Variants in SPRR3 observed in about 807,000 individuals in gnomAD.
The protein encoded by SPRR3 is small proline-rich protein 3.
For missense variants in SPRR3, 183 were observed against 200.3 expected (o/e 0.91, Z 0.52); for synonymous variants, 58 against 72.3 (o/e 0.80, Z 1.01).
chr1:153,003,289 G>A lies in SPRR3; in HGVS notation c.269G>A (p.Cys90Tyr), dbSNP rs1191101133. 1.2e-6 allele frequency: 2 copies of A among 1,607,208 alleles called. No individual in the cohort carries two copies. The highest frequency in any genetic ancestry group is 1.7e-6 in the Non-Finnish European group (2 of 1,176,886). ...TGTACCAAGGTCCCTGAGCCAGGCT[G>A]TACCAAGGTCCCTGAGCCAGGTTGT... The part of the protein sequence containing the change: ...PGCTKVPEPG[C>Y]TKVPEPGCTK... Residue 90 changes from cysteine to tyrosine, a missense_variant, in exon 2 of 2, where the codon TGT becomes TAT. Coordinates refer to ENST00000295367, the MANE Select transcript of SPRR3 (RefSeq NM_001097589.2).
chr1:153,003,426 C>G lies in SPRR3; in HGVS notation c.406C>G (p.Gln136Glu). Residue 136 changes from glutamine (Q) to glutamate (E), a missense_variant, in exon 2 of 2, where the codon CAA becomes GAA. Gln to Glu is a conservative substitution (Grantham distance 29, BLOSUM62 2). Transcript: ENST00000295367. The stretch of plus-strand genomic sequence containing the variant: ...GCCAGGTGCCATCAAAGTTCCTGAG[C>G]AAGGATACACCAAAGTTCCTGTGCC... ...PEPGAIKVPE[Q>E]GYTKVPVPGY... 1 of 1,614,070 alleles carries G rather than the reference C, an allele frequency of 6.2e-7. No homozygotes were observed. The highest frequency in any genetic ancestry group is 8.5e-7 in the Non-Finnish European group (1 of 1,180,006).
Position 153,003,032 on chromosome 1 carries a change from C to A in SPRR3, c.12C>A (p.Tyr4Ter). MSS[Y>*]QQKQTFTPPP... is the part of the protein sequence containing the mutation. ...GCATCCTTTGAAGCATGAGTTCTTA[C>A]CAGCAGAAGCAGACCTTTACCCCAC... The change falls in exon 2 of 2, where the codon TAC becomes TAA. Residue 4 changes from tyrosine (Y) to a stop codon, truncating the protein, a stop_gained. Transcript: ENST00000295367. LOFTEE classifies it low-confidence loss of function (END_TRUNC). The A allele has an allele frequency of 6.2e-7, 1 of 1,613,062 alleles. No individual in the cohort carries two copies. The highest frequency in any genetic ancestry group is 8.5e-7 in the Non-Finnish European group (1 of 1,179,382).
In SPRR3 at chr1:153,003,831, C is replaced by T. The variant is rs1180169634; in HGVS notation, c.*301C>T. 7.2e-6 allele frequency: 3 copies of T among 417,688 alleles called. No homozygotes were observed. Among genetic ancestry groups the T allele is most frequent in the African/African-American group, 4.0e-5 (2 of 49,974 alleles). 25.9% of individuals were successfully genotyped at this position (417,688 alleles called of 1,614,324 possible). ...AAAGAAATGCATGTTTCCTGCTCTT[C>T]CCTCATTAAATTGCTTTTAATTCCA... On this transcript the variant is annotated 3_prime_UTR_variant, in exon 2 of 2. Transcript: ENST00000295367.
Position 153,003,355 on chromosome 1 carries a change from C to G in SPRR3, c.335C>G (p.Pro112Arg). The change falls in exon 2 of 2, where the codon CCA becomes CGA. Residue 112 changes from proline to arginine, a missense_variant. Transcript: ENST00000295367. ...PEPGYTKVPE[P>R]GSIKVPDQGF... is the part of the protein sequence containing the mutation. ...CCAGGCTACACCAAGGTCCCTGAAC[C>G]AGGCAGCATCAAGGTCCCTGACCAA... The G allele has an allele frequency of 6.2e-7, 1 of 1,613,896 alleles. No individual in the cohort carries two copies. The highest frequency in any genetic ancestry group is 8.5e-7 in the Non-Finnish European group (1 of 1,179,968).
rs1450006201 is a variant in SPRR3, at chr1:153,003,485, A to G, written c.465A>G (p.Ser155=). Residue 155 remains serine, a synonymous_variant, in exon 2 of 2, where the codon TCA becomes TCG. Transcript: ENST00000295367. ...GYTKLPEPCP[S]TVTPGPAQQK... ...CAAAGCTACCAGAGCCATGTCCTTC[A>G]ACGGTCACTCCAGGCCCAGCTCAGC... The G allele has an allele frequency of 6.2e-7, 1 of 1,613,992 alleles. No homozygotes were observed.
chr1:153,002,669 G>T, intron 1 of SPRR3: 1 of 235,994 alleles, frequency 4.2e-6, no homozygotes, highest in South Asian at 8.7e-5. Context: ...GGAGCTTAGA[G>T]GATTCTTCAA....
At chr1:153,002,950 TG>T (rs1652825614) in intron 1 of SPRR3, 51 bp from the exon 2 acceptor site, 1 of 1,506,236 alleles carries the variant, frequency 6.6e-7, no homozygotes, top group African/African-American at 1.4e-5. Flanking sequence ...GTCATTAAAC[TG>T]GGCTTCATTC....
chr1:153,003,441 G>T lies in SPRR3; in HGVS notation c.421G>T (p.Val141Phe). ...AGTTCCTGAGCAAGGATACACCAAA[G>T]TTCCTGTGCCAGGCTACACAAAGCT... ...IKVPEQGYTK[V>F]PVPGYTKLPE... The change falls in exon 2 of 2, where the codon GTT (valine) becomes TTT (phenylalanine). Residue 141 changes from valine to phenylalanine, a missense_variant. By Grantham distance (50) the Val-to-Phe change is conservative (BLOSUM62 -1). Coordinates refer to ENST00000295367, the MANE Select transcript of SPRR3 (RefSeq NM_001097589.2). 2.5e-6 allele frequency: 4 copies of T among 1,614,092 alleles called. No homozygotes were observed. Among genetic ancestry groups the T allele is most frequent in the Non-Finnish European group, 3.4e-6 (4 of 1,180,000 alleles).
In SPRR3 at chr1:153,003,190, GCTGT is replaced by G. The variant is rs766480640; in HGVS notation, c.171_174del (p.Cys58ProfsTer141). 3 of 1,524,864 alleles carry G rather than the reference GCTGT, an allele frequency of 2.0e-6. No individual in the cohort carries two copies. Among genetic ancestry groups the G allele is most frequent in the African/African-American group, 1.6e-5 (1 of 62,766 alleles). 94.5% of individuals were successfully genotyped at this position (1,524,864 alleles called of 1,614,324 possible). On this transcript the variant is annotated frameshift_variant, in exon 2 of 2. Coordinates refer to ENST00000295367, the MANE Select transcript of SPRR3 (RefSeq NM_001097589.2). LOFTEE classifies it low-confidence loss of function (END_TRUNC). ...GGAAACACAAAGATTCCAGAGCCAG[GCTGT>G]ACCAAGGTCCCTGAGCCAGGCTGTA...
At position 153,003,364 on chromosome 1, in the gene SPRR3, T is replaced by C. The variant is rs1419197244; in HGVS notation, c.344T>C (p.Ile115Thr). 1 of 1,613,596 alleles carries C rather than the reference T, an allele frequency of 6.2e-7. No individual in the cohort carries two copies. The highest frequency in any genetic ancestry group is 8.5e-7 in the Non-Finnish European group (1 of 1,179,884). The change falls in exon 2 of 2, where the codon ATC becomes ACC. Residue 115 changes from isoleucine (I) to threonine (T), a missense_variant. By Grantham distance (89) the Ile-to-Thr change is moderately conservative. Coordinates refer to ENST00000295367, the MANE Select transcript of SPRR3 (RefSeq NM_001097589.2). ...GYTKVPEPGS[I>T]KVPDQGFIKF... The stretch of plus-strand genomic sequence containing the variant: ...ACCAAGGTCCCTGAACCAGGCAGCA[T>C]CAAGGTCCCTGACCAAGGCTTCATC...
At chr1:153,002,009 G>A (rs549568006) in intron 1 of SPRR3, 102 of 152,266 alleles carry the variant, frequency 6.7e-4, no homozygotes, top group African/African-American at 2.4e-3. Context: ...TGCTAAGTTA[G>A]CAAGACAATA....
At position 153,003,215 on chromosome 1, in the gene SPRR3, C is replaced by A; in HGVS notation, c.195C>A (p.Gly65=). 1 of 1,556,658 alleles carries A rather than the reference C, an allele frequency of 6.4e-7. No individual in the cohort carries two copies. The highest frequency in any genetic ancestry group is 8.7e-7 in the Non-Finnish European group (1 of 1,144,278). Residue 65 remains glycine, a synonymous_variant, in exon 2 of 2, where the codon GGC becomes GGA. Transcript: ENST00000295367. ...GCTGTACCAAGGTCCCTGAGCCAGG[C>A]TGTACCAAGGTCCCTGAGCCAGGCT... The part of the protein sequence containing the change: ...EPGCTKVPEP[G]CTKVPEPGCT...
At position 153,003,602 on chromosome 1, in the gene SPRR3, GTCT is replaced by G; in HGVS notation, c.*74_*76del. The G allele has an allele frequency of 1.9e-6, 3 of 1,563,504 alleles. No homozygotes were observed. Among genetic ancestry groups the G allele is most frequent in the Non-Finnish European group, 2.6e-6 (3 of 1,152,362 alleles). On this transcript the variant is annotated 3_prime_UTR_variant, in exon 2 of 2. Coordinates refer to ENST00000295367, the MANE Select transcript of SPRR3 (RefSeq NM_001097589.2). The stretch of plus-strand genomic sequence containing the variant: ...ACACCCTCTTCCCATCTGTTTCTGT[GTCT>G]TAATTGTCTGTAGACCTTGTAATCA...
intron 1 of SPRR3, chr1:153,002,713 T>G: frequency 2.7e-6 from 1 of 374,816 alleles, no homozygotes; most frequent in Non-Finnish European, 4.8e-6. Context: ...GAGTATATAT[T>G]TGCATATTTG....
At position 153,003,800 on chromosome 1, in the gene SPRR3, G is replaced by A. The variant is rs561760836; in HGVS notation, c.*270G>A. On this transcript the variant is annotated 3_prime_UTR_variant, in exon 2 of 2. Coordinates refer to ENST00000295367, the MANE Select transcript of SPRR3 (RefSeq NM_001097589.2). ...CTGCTCAGGGTTCATCTGAAGATTC[G>A]AATGAAAAGAAATGCATGTTTCCTG... 40 of 506,892 alleles carry A rather than the reference G, an allele frequency of 7.9e-5. No homozygotes were observed. The highest frequency in any genetic ancestry group is 6.3e-4 in the African/African-American group (33 of 52,400). 31.4% of individuals were successfully genotyped at this position (506,892 alleles called of 1,614,324 possible). A position where few individuals can be genotyped will look rare whatever the true frequency, so the allele number is the denominator to read the frequency against.
rs1203539178 is a variant in SPRR3 at position 153,003,383 on chromosome 1, C to T, written c.363C>T (p.Gly121=). 3 of 1,613,906 alleles carry T rather than the reference C, an allele frequency of 1.9e-6. No homozygotes were observed. In the African/African-American group the frequency reaches 4.0e-5, roughly 22 times the overall value. ...EPGSIKVPDQ[G]FIKFPEPGAI... The stretch of plus-strand genomic sequence containing the variant: ...GCAGCATCAAGGTCCCTGACCAAGG[C>T]TTCATCAAGTTTCCTGAGCCAGGTG... Residue 121 remains glycine, a synonymous_variant, in exon 2 of 2, where the codon GGC becomes GGT. Coordinates refer to ENST00000295367, the MANE Select transcript of SPRR3 (RefSeq NM_001097589.2).
At position 153,003,694 on chromosome 1, in the gene SPRR3, G is replaced by C; in HGVS notation, c.*164G>C. 1 of 1,051,028 alleles carries C rather than the reference G, an allele frequency of 9.5e-7. No individual in the cohort carries two copies. Among genetic ancestry groups the C allele is most frequent in the South Asian group, 1.8e-5 (1 of 56,844 alleles). 65.1% of individuals were successfully genotyped at this position (1,051,028 alleles called of 1,614,324 possible). On this transcript the variant is annotated 3_prime_UTR_variant, in exon 2 of 2. Transcript: ENST00000295367. ...GTATCCTAAAAATACGTACTATAAA[G>C]CTTTTGTTCACACACACTCTGAAGA...
In SPRR3 at chr1:153,003,134, G is replaced by A. The variant is rs1239333150; in HGVS notation, c.114G>A (p.Lys38=). 1 of 1,614,098 alleles carries A rather than the reference G, an allele frequency of 6.2e-7. No homozygotes were observed. Among genetic ancestry groups the A allele is most frequent in the South Asian group, 1.1e-5 (1 of 91,074 alleles). Residue 38 remains lysine, a synonymous_variant, in exon 2 of 2, where the codon AAG becomes AAA. Coordinates refer to ENST00000295367, the MANE Select transcript of SPRR3 (RefSeq NM_001097589.2). ...AGGAAATATTTGTTCCCACAACCAA[G>A]GAGCCATGCCACTCAAAGGTTCCAC... is the stretch of plus-strand genomic sequence containing the variant. ...PPQEIFVPTT[K]EPCHSKVPQP... is the part of the protein sequence containing the mutation.
Position 153,003,318 on chromosome 1 carries a change from A to G in SPRR3, c.298A>G (p.Lys100Glu). 6.2e-7 allele frequency: 1 copy of G among 1,609,720 alleles called. No individual in the cohort carries two copies. Among genetic ancestry groups the G allele is most frequent in the East Asian group, 2.3e-5 (1 of 44,434 alleles). ...CAAGGTCCCTGAGCCAGGTTGTACC[A>G]AGGTCCCTGAGCCAGGCTACACCAA... ...CTKVPEPGCTKVPEPGYTKVP... is the reference protein window; with the variant it reads ...CTKVPEPGCTEVPEPGYTKVP... Residue 100 changes from lysine to glutamate, a missense_variant, in exon 2 of 2, where the codon AAG (lysine) becomes GAG (glutamate). Lys to Glu is a moderately conservative substitution (Grantham distance 56, BLOSUM62 1). Transcript: ENST00000295367.
Sources: allele counts gnomAD v4.1 joint callset, GRCh38; gene constraint gnomAD v4.1.1; transcripts MANE v1.5; gene names NCBI Gene and HGNC (gene_info 2026-07-23, HGNC 2026-07-21).